The following CDH17 variants were observed in gnomAD, a reference collection of about 807,000 sequenced individuals.
CDH17 encodes cadherin-17.
CDH17 carries 67 observed loss-of-function variants against 86.3 expected under a neutral mutation model. That is an observed-to-expected ratio of 0.78 (90% CI 0.64 to 0.95). The LOEUF (loss-of-function observed/expected upper bound fraction) is 0.95. CDH17 is among the 40% of genes least tolerant of loss of function. The probability of loss-of-function intolerance (pLI) is 0.00; values close to 1 mark genes in which losing one functional copy is unlikely to be tolerated. For missense variants in CDH17, 993 were observed against 1,017.6 expected (o/e 0.98, Z 0.33); for synonymous variants, 367 against 366.4 (o/e 1.00, Z -0.02).
At chr8:94,189,051 T>A in intron 3 of CDH17, 136 bp downstream of exon 3, 3 of 683,244 alleles carry the variant, frequency 4.4e-6, no homozygotes, top group Non-Finnish European at 7.7e-6. Context: ...CTGTTTAACT[T>A]AGCTTCTGAA....
intron 14 of CDH17, among the ~76,000 whole-genome samples, chr8:94,146,506 C>T (rs1254063314): frequency 1.3e-5 from 2 of 152,174 alleles, no homozygotes; most frequent in Non-Finnish European, 2.9e-5. Context: ...TTTAGCAGGC[C>T]TTAGGCATGT....
chr8:94,160,832 C>T (rs60955969), intron 11 of CDH17, among the ~76,000 whole-genome samples: 1,633 of 152,288 alleles, frequency 0.011, 40 homozygotes, highest in African/African-American at 0.037. Flanking sequence ...TTACCATCTC[C>T]ACTTACGAGG....
chr8:94,140,734 T>C (rs1812621155), intron 15 of CDH17, among the ~76,000 whole-genome samples: 1 of 152,180 alleles, frequency 6.6e-6, no homozygotes, highest in Non-Finnish European at 1.5e-5. Context: ...TCACTACATA[T>C]TCTACAGATA....
Position 94,174,276 on chromosome 8 carries a change from T to G in CDH17, c.425-16A>C. 1 of 1,489,920 alleles carries G rather than the reference T, an allele frequency of 6.7e-7. No individual in the cohort carries two copies. The allele number at this position is 1,489,920 out of a possible 1,614,324, so 92.3% of individuals were successfully genotyped here. A position where few individuals can be genotyped will look rare whatever the true frequency, so the allele number is the denominator to read the frequency against. On this transcript the variant is annotated splice_polypyrimidine_tract_variant and intron_variant, in intron 5 of 17. Transcript: ENST00000027335. ...AAGGGCTTTCCTGTTTAACAAGACG[T>G]ACCCAGAAAAAAAAAAAAAAAGATA...
rs189165326 is a variant in CDH17 at position 94,194,716 on chromosome 8, A to G, written c.-20-11T>C. The G allele has an allele frequency of 9.0e-4, 1,344 of 1,493,096 alleles. 2 individuals carry two copies. The highest frequency in any genetic ancestry group is 1.2e-3 in the Non-Finnish European group (1,270 of 1,080,826). 92.5% of individuals were successfully genotyped at this position (1,493,096 alleles called of 1,614,324 possible). On this transcript the variant is annotated splice_polypyrimidine_tract_variant and intron_variant, in intron 1 of 17. Coordinates refer to ENST00000027335, the MANE Select transcript of CDH17 (RefSeq NM_004063.4). ...TCTTTATTCAAATTCCTGTGAAGGAACCAGATAAAAAAATGGTTAGTTACC... is the reference window on the plus strand; with the variant it reads ...TCTTTATTCAAATTCCTGTGAAGGAGCCAGATAAAAAAATGGTTAGTTACC...
In CDH17 at chr8:94,187,060, A is replaced by G. The variant is rs2130659599; in HGVS notation, c.150+2127T>C. On this transcript the variant is annotated intron_variant, in intron 3 of 17. Transcript: ENST00000027335. Reference sequence around the variant, plus strand: ...GAGTACTCAGTTTAGGAGTCAATGAAACCTCTTCTGTTCGCTCACTACCAT... The same window carrying G: ...GAGTACTCAGTTTAGGAGTCAATGAGACCTCTTCTGTTCGCTCACTACCAT... Among the ~76,000 whole-genome samples the G allele has an allele frequency of 1.3e-5, 2 of 152,306 alleles. 1 individual carries two copies. Among genetic ancestry groups the G allele is most frequent in the South Asian group, 4.1e-4 (2 of 4,822 alleles).
chr8:94,190,931 A>C (rs909087322), intron 2 of CDH17, among the ~76,000 whole-genome samples: 3 of 152,166 alleles, frequency 2.0e-5, no homozygotes, highest in Non-Finnish European at 4.4e-5. Flanking sequence ...AGGGGCTTTG[A>C]AGTTTGGTCT....
intron 1 of CDH17, among the ~76,000 whole-genome samples, chr8:94,200,452 A>G (rs889588153): frequency 6.6e-6 from 1 of 151,370 alleles, no homozygotes. Flanking sequence ...CAAGGACTAA[A>G]TTCAGACAGT....
intron 3 of CDH17, among the ~76,000 whole-genome samples, chr8:94,188,540 T>C (rs1241921834): frequency 1.3e-5 from 2 of 152,226 alleles, no homozygotes; most frequent in Admixed American, 6.5e-5. Context: ...AGGGGATGTC[T>C]GGTAAATACA....
At chr8:94,185,276 TACACACACACACACACACACACAC>T (rs71277462) in intron 3 of CDH17, among the ~76,000 whole-genome samples, 1 of 136,760 alleles carries the variant, frequency 7.3e-6, no homozygotes, top group Admixed American at 7.3e-5. Flanking sequence ...CCTACCCCAA[TACACACACACACACACACACACAC>T]ACACACACAC....
intron 15 of CDH17, among the ~76,000 whole-genome samples, chr8:94,141,554 A>G (rs550962850): frequency 7.9e-5 from 12 of 152,310 alleles, no homozygotes; most frequent in African/African-American, 2.4e-4. Context: ...TATGAAATCT[A>G]AATAAGGTCA....
At chr8:94,204,873 C>A (rs1406162276) in intron 1 of CDH17, among the ~76,000 whole-genome samples, 1 of 152,180 alleles carries the variant, frequency 6.6e-6, no homozygotes, top group Non-Finnish European at 1.5e-5. Flanking sequence ...GGGGCCAGAG[C>A]AGTCACAGGA....
chr8:94,129,742 C>A (rs1812372935), intron 17 of CDH17, among the ~76,000 whole-genome samples: 1 of 152,006 alleles, frequency 6.6e-6, no homozygotes, highest in Non-Finnish European at 1.5e-5. Flanking sequence ...TTTTGGGGTA[C>A]CAACTTGATG....
At chr8:94,199,756 C>A (rs1426099327) in intron 1 of CDH17, among the ~76,000 whole-genome samples, 2 of 152,082 alleles carry the variant, frequency 1.3e-5, no homozygotes. Context: ...CCACACCATG[C>A]GGTTGTTAGG....
intron 15 of CDH17, among the ~76,000 whole-genome samples, chr8:94,132,838 T>C (rs1200461763): frequency 6.6e-6 from 1 of 152,206 alleles, no homozygotes; most frequent in African/African-American, 2.4e-5. Context: ...TGAATTAATT[T>C]TTGTGTAAGG....
rs367965746 is a variant in CDH17 at position 94,151,552 on chromosome 8, G to A, written c.1796+316C>T. Reference sequence around the variant, plus strand: ...GCCTAGATAACAGGCTTAGACACAGGGCCTGGTTATTCTAGTCTCTCAGAG... The same window carrying A: ...GCCTAGATAACAGGCTTAGACACAGAGCCTGGTTATTCTAGTCTCTCAGAG... On this transcript the variant is annotated intron_variant, in intron 13 of 17. Transcript: ENST00000027335. Among the ~76,000 whole-genome samples, 102 of 152,272 alleles carry A rather than the reference G, an allele frequency of 6.7e-4. 2 individuals are homozygous for A. The South Asian group carries it at 0.018, about 28-fold the overall frequency.
chr8:94,179,533 C>T (rs1813438591), intron 3 of CDH17, among the ~76,000 whole-genome samples: 1 of 152,166 alleles, frequency 6.6e-6, no homozygotes, highest in Non-Finnish European at 1.5e-5. Context: ...CTGGGAAAGA[C>T]CTGAGAAGGC....
intron 13 of CDH17, among the ~76,000 whole-genome samples, 196 bp from the exon 14 acceptor site, chr8:94,149,070 C>G (rs1276570164): frequency 6.6e-6 from 1 of 152,036 alleles, no homozygotes; most frequent in Non-Finnish European, 1.5e-5. Flanking sequence ...TCTATTATCT[C>G]ATATTATTAA....
intron 1 of CDH17, among the ~76,000 whole-genome samples, chr8:94,200,576 AAGG>A: frequency 7.6e-6 from 1 of 131,682 alleles, no homozygotes; most frequent in Non-Finnish European, 1.6e-5. Context: ...TTTACAAAAA[AAGG>A]AGTTTTGAAA....
Sources: allele counts gnomAD v4.1 joint callset (sites outside exome capture counted in the v4.1 genomes callset), GRCh38; gene constraint gnomAD v4.1.1; transcripts MANE v1.5; gene names NCBI Gene and HGNC (gene_info 2026-07-23, HGNC 2026-07-21).